The following FYTTD1 variants were observed in gnomAD, a reference collection of about 807,000 sequenced individuals.
FYTTD1 encodes the protein forty-two-three domain containing 1.
Under a neutral mutation model 40.9 loss-of-function variants are expected in FYTTD1, and 22 were observed. The ratio of observed to expected loss-of-function variants is 0.54; its 90% CI spans 0.38 to 0.77. The LOEUF (loss-of-function observed/expected upper bound fraction) is 0.77, where lower values mean the gene tolerates loss of function less well. Ranked by LOEUF, FYTTD1 falls within the 30% of genes least tolerant of loss-of-function variation. FYTTD1 has a pLI of 0.00. For missense variants in FYTTD1, 351 were observed against 392.2 expected, an observed-to-expected ratio of 0.90 and a Z score of 0.89; for synonymous variants, 140 against 137.9, an observed-to-expected ratio of 1.01 and a Z score of -0.10.
intron 4 of FYTTD1, among the ~76,000 whole-genome samples, chr3:197,771,660 C>A (rs570582288): frequency 7.3e-5 from 11 of 151,240 alleles, no homozygotes; most frequent in African/African-American, 2.7e-4. Flanking sequence ...GCCTGTAGTC[C>A]CAGCTACTTG....
intron 8 of FYTTD1, among the ~76,000 whole-genome samples, chr3:197,780,033 GGCACACA>G (rs1405805806): frequency 2.1e-5 from 3 of 141,010 alleles, no homozygotes; most frequent in Non-Finnish European, 4.5e-5. Flanking sequence ...TGGGGATGCA[GGCACACA>G]CCACCACACC....
intron 8 of FYTTD1, 152 bp downstream of exon 8, chr3:197,778,616 A>C: frequency 1.7e-6 from 1 of 590,640 alleles, no homozygotes; most frequent in Non-Finnish European, 3.0e-6. Context: ...CCATTTGCCT[A>C]TTTTGACATT....
chr3:197,781,772 G>A, intron 8 of FYTTD1, 39 bp from the exon 9 acceptor site: 1 of 1,442,112 alleles, frequency 6.9e-7, no homozygotes. Flanking sequence ...GTTGTTAATT[G>A]TTGCTTTGTT....
At chr3:197,781,421 A>T (rs1730025403) in intron 8 of FYTTD1, among the ~76,000 whole-genome samples, 1 of 152,176 alleles carries the variant, frequency 6.6e-6, no homozygotes, top group Non-Finnish European at 1.5e-5. Context: ...TTAATAAAAA[A>T]AAAAACAGAT....
intron 2 of FYTTD1, among the ~76,000 whole-genome samples, chr3:197,767,487 ATATT>A (rs1043917677): frequency 6.8e-6 from 1 of 146,330 alleles, no homozygotes; most frequent in Non-Finnish European, 1.5e-5. Context: ...ATTTATTTAT[ATATT>A]TATTTATTTT....
upstream of FYTTD1, chr3:197,749,579 G>C (rs924786519): frequency 3.9e-6 from 5 of 1,284,088 alleles, no homozygotes; most frequent in Non-Finnish European, 1.0e-6. Flanking sequence ...CCGAAGTATA[G>C]GGGACCTGTC....
intron 2 of FYTTD1, among the ~76,000 whole-genome samples, chr3:197,762,315 G>A (rs1312847859): frequency 1.4e-5 from 2 of 145,452 alleles, no homozygotes; most frequent in Non-Finnish European, 2.9e-5. Context: ...AATGAGGCCA[G>A]GCGCGGTGCT....
chr3:197,774,125 C>CT, intron 5 of FYTTD1, 24 bp from the exon 6 acceptor site: 1 of 1,604,546 alleles, frequency 6.2e-7, no homozygotes, highest in East Asian at 2.2e-5. Flanking sequence ...TCTGTGGTAC[C>CT]TACTGCTTTT....
intron 2 of FYTTD1, among the ~76,000 whole-genome samples, chr3:197,763,022 A>T (rs1407443245): frequency 1.3e-5 from 2 of 152,192 alleles, no homozygotes; most frequent in Non-Finnish European, 2.9e-5. Context: ...ATAAAAGTTA[A>T]AATTTGTTCT....
chr3:197,750,282 C>G, intron 1 of FYTTD1: 1 of 1,004,674 alleles, frequency 1.0e-6, no homozygotes. Flanking sequence ...CCCGGGCGTC[C>G]CCTCGGCCGC....
intron 3 of FYTTD1, among the ~76,000 whole-genome samples, chr3:197,769,036 A>T (rs1221083146): frequency 1.3e-5 from 2 of 150,546 alleles, no homozygotes; most frequent in African/African-American, 4.9e-5. Context: ...AAGTGCTGGT[A>T]TTACAGGCGT....
chr3:197,781,589 G>C (rs1042115127), intron 8 of FYTTD1, among the ~76,000 whole-genome samples: 1 of 152,092 alleles, frequency 6.6e-6, no homozygotes, highest in South Asian at 2.1e-4. Context: ...TCAGATAGGG[G>C]CTTTGGGTGT....
intron 2 of FYTTD1, among the ~76,000 whole-genome samples, chr3:197,765,157 T>G (rs2109044386): frequency 6.6e-6 from 1 of 152,270 alleles, no homozygotes; most frequent in East Asian, 1.9e-4. Flanking sequence ...CCAACCTTAT[T>G]TCATACTTAA....
rs535859011 is a variant in FYTTD1, at chr3:197,767,794, C to T, written c.236-645C>T. On this transcript the variant is annotated intron_variant, in intron 2 of 8. Coordinates refer to ENST00000241502, the MANE Select transcript of FYTTD1 (RefSeq NM_032288.7). ...ATAGGTAAGATATGTAATGGAAAAC[C>T]AAAGTTGGTAATGTCACATGCCACA... is the stretch of plus-strand genomic sequence containing the variant. Among the ~76,000 whole-genome samples the T allele has an allele frequency of 1.8e-3, 277 of 152,266 alleles. 1 individual carries two copies. Among genetic ancestry groups the T allele is most frequent in the African/African-American group, 6.4e-3 (267 of 41,544 alleles).
intron 2 of FYTTD1, among the ~76,000 whole-genome samples, chr3:197,767,202 C>T (rs967301413): frequency 5.3e-5 from 8 of 151,998 alleles, no homozygotes; most frequent in African/African-American, 1.7e-4. Flanking sequence ...TGCAGTGGCA[C>T]GATCTCGGCT....
At chr3:197,758,607 T>G (rs2109038697) in intron 2 of FYTTD1, among the ~76,000 whole-genome samples, 1 of 152,282 alleles carries the variant, frequency 6.6e-6, no homozygotes, top group South Asian at 2.1e-4. Flanking sequence ...AAGCTTTCCT[T>G]TTATGGATGT....
intron 2 of FYTTD1, among the ~76,000 whole-genome samples, chr3:197,767,304 A>C (rs1299931681): frequency 6.6e-6 from 1 of 151,572 alleles, no homozygotes; most frequent in African/African-American, 2.4e-5. Context: ...ACGCCTGGCT[A>C]ATTTTTTGTA....
chr3:197,765,132 C>T (rs951139929), intron 2 of FYTTD1, among the ~76,000 whole-genome samples: 5 of 152,100 alleles, frequency 3.3e-5, no homozygotes, highest in African/African-American at 7.2e-5. Flanking sequence ...GAATTACAGG[C>T]GTGAGCCACG....
rs1231204725 is a variant in FYTTD1 at position 197,787,590 on chromosome 3, C to T, written c.*5681C>T. On this transcript the variant is annotated 3_prime_UTR_variant, in exon 9 of 9. Coordinates refer to ENST00000241502, the MANE Select transcript of FYTTD1 (RefSeq NM_032288.7). ...CAGTCTGTAAAATAAACAGGAAGAA[C>T]TGGGAAGTACACTGTATCAATTGCT... 6.6e-6 allele frequency: 1 copy of T among 152,180 alleles called. No homozygotes were observed. Among genetic ancestry groups the T allele is most frequent in the Non-Finnish European group, 1.5e-5 (1 of 68,044 alleles). The allele number at this position is 152,180 out of a possible 1,614,324, so 9.4% of individuals were successfully genotyped here. A position where few individuals can be genotyped will look rare whatever the true frequency, so the allele number is the denominator to read the frequency against.
Sources: allele counts gnomAD v4.1 joint callset (sites outside exome capture counted in the v4.1 genomes callset), GRCh38; gene constraint gnomAD v4.1.1; transcripts MANE v1.5; gene names NCBI Gene and HGNC (gene_info 2026-07-23, HGNC 2026-07-21).